Variants in EFHC2 observed in about 807,000 individuals in gnomAD.
EFHC2 encodes EF-hand domain containing 2, also known as EF-hand domain-containing family member C2.
In EFHC2, 18 loss-of-function variants were observed where a neutral mutation model predicts 52.7. The observed-to-expected ratio is 0.34, with a 90% CI of 0.24 to 0.51. EFHC2 has a LOEUF of 0.51. Among genes scored for constraint, EFHC2 ranks in the 20% least tolerant of loss-of-function variants. EFHC2 has a pLI of 0.97. For synonymous variants in EFHC2, 203 were observed against 204.1 expected, an observed-to-expected ratio of 0.99 and a Z score of 0.04; for missense variants, 513 against 562.5, an observed-to-expected ratio of 0.91 and a Z score of 0.89.
intron 1 of EFHC2, among the ~76,000 whole-genome samples, chrX:44,322,060 C>G (rs779670489): frequency 3.6e-5 from 4 of 109,799 alleles, no homozygotes; most frequent in East Asian, 2.9e-4. Context: ...TTTCCCCTCC[C>G]CCACCCCCAG....
Position 44,176,237 on chromosome X carries a change from C to T in EFHC2, c.2042+55G>A. 7.3e-6 allele frequency: 7 copies of T among 961,088 alleles called. No homozygotes were observed. In the Admixed American group the frequency reaches 8.9e-5, roughly 12 times the overall value. The allele number at this position is 961,088 out of a possible 1,213,427, so 79.2% of individuals were successfully genotyped here. On this transcript the variant is annotated intron_variant, in intron 13 of 14. Coordinates refer to ENST00000420999, the MANE Select transcript of EFHC2 (RefSeq NM_025184.4). ...AGGGAGATGTAAAACCAGGAATGGT[C>T]CCCCAAATAAAACTATGCAGGACAA...
In EFHC2 at chrX:44,310,618, T is replaced by C. The variant is rs1602211140; in HGVS notation, c.231+1950A>G. 2.0e-5 allele frequency: 5 copies of C among 252,377 alleles called. No homozygotes were observed. In the South Asian group the frequency reaches 3.3e-4, roughly 16 times the overall value. 20.8% of individuals were successfully genotyped at this position (252,377 alleles called of 1,213,427 possible). A position where few individuals can be genotyped will look rare whatever the true frequency, so the allele number is the denominator to read the frequency against. ...AACCGCTAATGTAGAAAGCGCTTTATAATTTGCTTGGGGTATTAACCAGGA... is the reference window on the plus strand; with the variant it reads ...AACCGCTAATGTAGAAAGCGCTTTACAATTTGCTTGGGGTATTAACCAGGA... On this transcript the variant is annotated intron_variant, in intron 2 of 14. Transcript: ENST00000420999.
intron 13 of EFHC2, among the ~76,000 whole-genome samples, chrX:44,172,694 G>A (rs1361536319): frequency 8.9e-6 from 1 of 112,227 alleles, no homozygotes; most frequent in African/African-American, 3.2e-5. Flanking sequence ...GTCTTTCAGT[G>A]AGAGACTCTC....
At chrX:44,310,524 G>A in intron 2 of EFHC2, 1 of 397,729 alleles carries the variant, frequency 2.5e-6, no homozygotes. Context: ...CGGGCGGCTG[G>A]GATGGGGTGC....
At chrX:44,319,062 G>A (rs941938224) in intron 1 of EFHC2, among the ~76,000 whole-genome samples, 17 of 103,903 alleles carry the variant, frequency 1.6e-4, no homozygotes, top group Non-Finnish European at 3.3e-4. Flanking sequence ...GGAGTACAGT[G>A]ACGTGATCCC....
At chrX:44,209,311 G>T (rs1487171841) in intron 11 of EFHC2, among the ~76,000 whole-genome samples, 1 of 110,331 alleles carries the variant, frequency 9.1e-6, no homozygotes, top group African/African-American at 3.3e-5. Context: ...CACCATATTG[G>T]CACTTTTAGC....
At chrX:44,223,580 C>A (rs1292087234) in intron 11 of EFHC2, among the ~76,000 whole-genome samples, 1 of 111,274 alleles carries the variant, frequency 9.0e-6, no homozygotes, top group East Asian at 2.8e-4. Context: ...AACACCACCA[C>A]CAGACAGTGA....
chrX:44,175,033 C>A lies in EFHC2; in HGVS notation c.2042+1259G>T, dbSNP rs2036775541. On this transcript the variant is annotated intron_variant, in intron 13 of 14. Transcript: ENST00000420999. The stretch of plus-strand genomic sequence containing the variant: ...TTGGCTTTATCTGTTCCTTTGGTTT[C>A]TCCTTTTGTCTCAAACAAGGACTCC... Among the ~76,000 whole-genome samples the A allele has an allele frequency of 3.6e-5, 4 of 111,312 alleles. No homozygotes were observed. In the South Asian group the frequency reaches 1.5e-3, roughly 43 times the overall value.
intron 1 of EFHC2, among the ~76,000 whole-genome samples, chrX:44,323,375 T>C (rs2038033967): frequency 8.9e-6 from 1 of 112,191 alleles, no homozygotes; most frequent in Admixed American, 9.5e-5. Flanking sequence ...ACCCTATGTA[T>C]ATAGATTAGG....
At chrX:44,313,319 A>G (rs1327867552) in intron 1 of EFHC2, among the ~76,000 whole-genome samples, 3 of 111,549 alleles carry the variant, frequency 2.7e-5, no homozygotes, top group Non-Finnish European at 5.6e-5. Context: ...CTGGAGAGAG[A>G]GGAGAAAGCA....
chrX:44,286,454 A>G (rs2147363841), intron 2 of EFHC2, among the ~76,000 whole-genome samples: 1 of 111,772 alleles, frequency 8.9e-6, no homozygotes, highest in East Asian at 2.8e-4. Flanking sequence ...GTACAATGGG[A>G]TGGCAGGAGG....
chrX:44,247,613 C>T (rs1019143542), intron 7 of EFHC2, among the ~76,000 whole-genome samples: 4 of 111,235 alleles, frequency 3.6e-5, no homozygotes, highest in South Asian at 3.8e-4. Flanking sequence ...TCACATCCTC[C>T]GCCAGCTTCC....
chrX:44,315,265 T>C (rs68124913), intron 1 of EFHC2, among the ~76,000 whole-genome samples: 17,787 of 109,647 alleles, frequency 0.16, 1,228 homozygotes, highest in African/African-American at 0.26. Flanking sequence ...ACACCACACT[T>C]CTTGTACAGC....
intron 1 of EFHC2, among the ~76,000 whole-genome samples, chrX:44,327,637 A>G (rs991994339): frequency 2.7e-5 from 3 of 111,269 alleles, no homozygotes; most frequent in Non-Finnish European, 5.6e-5. Context: ...TGGAGAAGAA[A>G]AAGTCATTCA....
intron 2 of EFHC2, chrX:44,309,704 T>C: frequency 1.9e-6 from 2 of 1,029,291 alleles, no homozygotes. Context: ...ATAAGTTCAT[T>C]GGAAAACGTG....
At chrX:44,211,028 T>C (rs757375662) in intron 11 of EFHC2, among the ~76,000 whole-genome samples, 10 of 112,001 alleles carry the variant, frequency 8.9e-5, no homozygotes, top group Non-Finnish European at 1.9e-4. Flanking sequence ...TCACCAGATA[T>C]ATGGATGGCA....
intron 3 of EFHC2, among the ~76,000 whole-genome samples, chrX:44,269,895 T>C (rs1347065811): frequency 9.0e-6 from 1 of 111,464 alleles, no homozygotes; most frequent in Non-Finnish European, 1.9e-5. Flanking sequence ...AATGATAAGG[T>C]AGGCACTTTT....
At chrX:44,325,556 A>G (rs1292377518) in intron 1 of EFHC2, among the ~76,000 whole-genome samples, 1 of 109,811 alleles carries the variant, frequency 9.1e-6, no homozygotes, top group Non-Finnish European at 1.9e-5. Flanking sequence ...TCACATGCAT[A>G]AGTTGATTAA....
At chrX:44,329,863 C>T (rs2038075561) in intron 1 of EFHC2, among the ~76,000 whole-genome samples, 1 of 109,541 alleles carries the variant, frequency 9.1e-6, no homozygotes, top group Non-Finnish European at 1.9e-5. Flanking sequence ...ACCTCAGCCT[C>T]CCAAAGTGCT....
Sources: gnomAD v4.1 joint callset for allele counts (sites outside exome capture counted in the v4.1 genomes callset) on GRCh38, gnomAD v4.1.1 for gene constraint, MANE v1.5 for transcripts, NCBI Gene and HGNC (gene_info 2026-07-23, HGNC 2026-07-21) for gene names.